CUX1: variants seen among roughly 807,000 people sequenced by gnomAD.
The protein encoded by CUX1 is cut like homeobox 1, also known as protein CASP.
Under a neutral mutation model 158.8 loss-of-function variants are expected in CUX1, and 31 were observed. The ratio of observed to expected loss-of-function variants is 0.20; its 90% CI spans 0.15 to 0.26. CUX1 has a LOEUF of 0.26. Among genes scored for constraint, CUX1 ranks in the 10% least tolerant of loss-of-function variants. The pLI is 1.00. For missense variants in CUX1, 1,589 were observed against 2,014.6 expected (o/e 0.79, Z 4.04); for synonymous variants, 879 against 862.1 (o/e 1.02, Z -0.34).
Position 102,132,292 on chromosome 7 carries a change from AGTGTGTGTGT to A in CUX1, c.674+17027_674+17036del, listed in dbSNP as rs782562542. On this transcript the variant is annotated intron_variant, in intron 8 of 23. Transcript: ENST00000292535. ...TATTTGCAATATATATGAGAGAGAG[AGTGTGTGTGT>A]GTGTGTGCGCGCGCGCGCGCGCACG... Among the ~76,000 whole-genome samples the A allele has an allele frequency of 3.9e-5, 4 of 103,348 alleles. No individual in the cohort carries two copies. The South Asian group carries it at 1.1e-3, about 27-fold the overall frequency. 67.8% of individuals were successfully genotyped at this position (103,348 alleles called of 152,430 possible).
In CUX1 at chr7:102,063,334, C is replaced by T. The variant is rs144669855; in HGVS notation, c.190-7005C>T. On this transcript the variant is annotated intron_variant, in intron 3 of 23. Transcript: ENST00000292535. Reference sequence around the variant, plus strand: ...TGTCATCATCTCACAGCACACAAAACAGATGCTTACTACACAGAGAACTCT... The same window carrying T: ...TGTCATCATCTCACAGCACACAAAATAGATGCTTACTACACAGAGAACTCT... Among the ~76,000 whole-genome samples, 12 of 151,096 alleles carry T rather than the reference C, an allele frequency of 7.9e-5. No homozygotes were observed. In the East Asian group the frequency reaches 2.3e-3, roughly 29 times the overall value.
intron 8 of CUX1, among the ~76,000 whole-genome samples, chr7:102,128,159 C>T (rs1832850544): frequency 6.6e-6 from 1 of 152,200 alleles, no homozygotes; most frequent in Admixed American, 6.5e-5. Context: ...CTTGAGGTAG[C>T]CTCCCAAGGC....
chr7:102,164,146 A>G (rs921285443), intron 9 of CUX1, among the ~76,000 whole-genome samples: 19 of 152,338 alleles, frequency 1.2e-4, no homozygotes, highest in African/African-American at 4.3e-4. Context: ...GCTTTCAGCA[A>G]TTCACAGCCT....
chr7:102,112,712 A>G (rs782363334), intron 7 of CUX1, among the ~76,000 whole-genome samples: 25 of 152,004 alleles, frequency 1.6e-4, no homozygotes, highest in Non-Finnish European at 3.1e-4. Flanking sequence ...GTCGGATTAC[A>G]GATGCCCGCC....
At chr7:101,895,486 G>T (rs1801368346) in intron 1 of CUX1, among the ~76,000 whole-genome samples, 1 of 152,086 alleles carries the variant, frequency 6.6e-6, no homozygotes, top group South Asian at 2.1e-4. Context: ...GACAGTATTG[G>T]AAATAAAGGA....
At chr7:101,919,503 A>C (rs1804632401) in intron 2 of CUX1, among the ~76,000 whole-genome samples, 1 of 152,166 alleles carries the variant, frequency 6.6e-6, no homozygotes, top group South Asian at 2.1e-4. Context: ...CCTCTTCCCT[A>C]TGGATGCAGC....
chr7:101,980,816 C>G (rs934997467), intron 2 of CUX1, among the ~76,000 whole-genome samples: 5 of 152,120 alleles, frequency 3.3e-5, no homozygotes, highest in African/African-American at 1.2e-4. Context: ...TACCTGGAAG[C>G]CACAGTGCCC....
chr7:101,954,543 T>C lies in CUX1; in HGVS notation c.141+38318T>C, dbSNP rs149528566. ...GTTAAAGCTGGCTGGGCACAGTGGCTCATGCCTATAATCCCAGCACTTTGG... is the reference window on the plus strand; with the variant it reads ...GTTAAAGCTGGCTGGGCACAGTGGCCCATGCCTATAATCCCAGCACTTTGG... On this transcript the variant is annotated intron_variant, in intron 2 of 23. Coordinates refer to ENST00000292535, the MANE Select transcript of CUX1 (RefSeq NM_181552.4). Among the ~76,000 whole-genome samples the C allele has an allele frequency of 4.5e-4, 69 of 152,324 alleles. 1 individual carries two copies. The East Asian group carries it at 0.013, about 29-fold the overall frequency.
At position 102,150,531 on chromosome 7, in the gene CUX1, G is replaced by T. The variant is rs577043770; in HGVS notation, c.675-8029G>T. Among the ~76,000 whole-genome samples, 26 of 152,172 alleles carry T rather than the reference G, an allele frequency of 1.7e-4. No homozygotes were observed. The South Asian group carries it at 5.0e-3, about 29-fold the overall frequency. On this transcript the variant is annotated intron_variant, in intron 8 of 23. Transcript: ENST00000292535. ...GGCCGCTCTGTATGTTTTTCCAACT[G>T]CCTTGTAGATATACTTTGTTTTAAC...
At chr7:101,872,446 T>C (rs552326218) in intron 1 of CUX1, among the ~76,000 whole-genome samples, 95 of 152,008 alleles carry the variant, frequency 6.2e-4, no homozygotes, top group Non-Finnish European at 1.2e-3. Flanking sequence ...TAGAAGGATT[T>C]TTTTGGGGGG....
chr7:102,050,362 C>T (rs1823344178), intron 3 of CUX1, among the ~76,000 whole-genome samples: 1 of 152,166 alleles, frequency 6.6e-6, no homozygotes, highest in African/African-American at 2.4e-5. Flanking sequence ...GGTCCTTTAA[C>T]TTCTTCAATA....
chr7:101,921,830 G>A (rs1377824266), intron 2 of CUX1, among the ~76,000 whole-genome samples: 1 of 152,162 alleles, frequency 6.6e-6, no homozygotes, highest in Non-Finnish European at 1.5e-5. Flanking sequence ...TCAAAAGTTG[G>A]TTTGTGGCCA....
At position 102,249,559 on chromosome 7, in the gene CUX1, C is replaced by A; in HGVS notation, c.*517C>A. 1.9e-5 allele frequency: 19 copies of A among 985,564 alleles called. No individual in the cohort carries two copies. Among genetic ancestry groups the A allele is most frequent in the Non-Finnish European group, 2.3e-5 (19 of 829,912 alleles). 61.1% of individuals were successfully genotyped at this position (985,564 alleles called of 1,614,324 possible). A position where few individuals can be genotyped will look rare whatever the true frequency, so the allele number is the denominator to read the frequency against. Reference sequence around the variant, plus strand: ...AGCTTTGCCTTGTGTCCTCCTGTTCCGTGTGGGCTTTAAAAGAAAAAAAAT... The same window carrying A: ...AGCTTTGCCTTGTGTCCTCCTGTTCAGTGTGGGCTTTAAAAGAAAAAAAAT... On this transcript the variant is annotated 3_prime_UTR_variant, in exon 24 of 24. Transcript: ENST00000292535.
chr7:102,228,143 GT>G (rs1324388784), intron 21 of CUX1, among the ~76,000 whole-genome samples: 1 of 151,734 alleles, frequency 6.6e-6, no homozygotes, highest in African/African-American at 2.4e-5. Flanking sequence ...TAGAGGTGGG[GT>G]TTCACCATGT....
intron 12 of CUX1, 140 bp downstream of exon 12, chr7:102,190,011 A>G: frequency 1.2e-6 from 1 of 844,552 alleles, no homozygotes; most frequent in Non-Finnish European, 1.9e-6. Flanking sequence ...CCAGAGTTCT[A>G]CCACTGCATG....
chr7:102,049,757 T>C lies in CUX1; in HGVS notation c.190-20582T>C, dbSNP rs1406732483. ...TACATAGGAAGGGAGAGAAACTGGTTCCTAGGGCTGTGGGAGGAATGACCG... is the reference window on the plus strand; with the variant it reads ...TACATAGGAAGGGAGAGAAACTGGTCCCTAGGGCTGTGGGAGGAATGACCG... On this transcript the variant is annotated intron_variant, in intron 3 of 23. Coordinates refer to ENST00000292535, the MANE Select transcript of CUX1 (RefSeq NM_181552.4). Among the ~76,000 whole-genome samples, 3 of 152,078 alleles carry C rather than the reference T, an allele frequency of 2.0e-5. No individual in the cohort carries two copies. The East Asian group carries it at 5.8e-4, about 29-fold the overall frequency.
At chr7:102,151,787 CCCGCCTCCTTGGT>C (rs1563316225) in intron 8 of CUX1, among the ~76,000 whole-genome samples, 1 of 148,542 alleles carries the variant, frequency 6.7e-6, no homozygotes, top group East Asian at 2.0e-4. Context: ...CAAAGCAAGA[CCCGCCTCCTTGGT>C]CCTGGTCTGC....
chr7:102,271,571 C>T (rs1791213611), intron 14 of CUX1, among the ~76,000 whole-genome samples: 1 of 152,222 alleles, frequency 6.6e-6, no homozygotes, highest in Non-Finnish European at 1.5e-5. Flanking sequence ...TCCTTAAAGT[C>T]CCTGCAGGTG....
chr7:102,009,779 A>G (rs145598187), intron 2 of CUX1, among the ~76,000 whole-genome samples: 2 of 152,212 alleles, frequency 1.3e-5, no homozygotes, highest in East Asian at 1.9e-4. Flanking sequence ...TCTCTAGTAC[A>G]TGTTCCTGTA....
Sources: allele counts gnomAD v4.1 joint callset (sites outside exome capture counted in the v4.1 genomes callset), GRCh38; gene constraint gnomAD v4.1.1; transcripts MANE v1.5; gene names NCBI Gene and HGNC (gene_info 2026-07-23, HGNC 2026-07-21).